The following PLPPR1 variants were observed in gnomAD, a reference collection of about 807,000 sequenced individuals.
PLPPR1 encodes the protein phospholipid phosphatase related 1.
In PLPPR1, 10 loss-of-function variants were observed where a neutral mutation model predicts 33.1. The ratio of observed to expected loss-of-function variants is 0.30; its 90% CI spans 0.19 to 0.51. PLPPR1 has a LOEUF of 0.51. PLPPR1 is among the 20% of genes least tolerant of loss of function. The probability of loss-of-function intolerance (pLI) is 0.97; values close to 1 mark genes in which losing one functional copy is unlikely to be tolerated. For synonymous variants in PLPPR1, 151 were observed against 151.0 expected (o/e 1.00, Z 0.00); for missense variants, 304 against 408.1 (o/e 0.74, Z 2.20).
At chr9:101,319,932 C>T (rs1043797175) in intron 7 of PLPPR1, among the ~76,000 whole-genome samples, 1 of 152,184 alleles carries the variant, frequency 6.6e-6, no homozygotes, top group Non-Finnish European at 1.5e-5. Flanking sequence ...CCTCATCCTT[C>T]CACCCAGCAC....
intron 1 of PLPPR1, among the ~76,000 whole-genome samples, chr9:101,100,697 CG>C (rs1830886639): frequency 1.4e-5 from 2 of 146,824 alleles, no homozygotes; most frequent in African/African-American, 5.0e-5. Context: ...CTCTTTGTTC[CG>C]TGTGTGTGTG....
chr9:101,084,971 G>T (rs35733350), intron 1 of PLPPR1, among the ~76,000 whole-genome samples: 1 of 151,986 alleles, frequency 6.6e-6, no homozygotes, highest in African/African-American at 2.4e-5. Context: ...GATGGGTTAG[G>T]CCTGGTCATT....
intron 1 of PLPPR1, among the ~76,000 whole-genome samples, chr9:101,089,271 A>C (rs1830714299): frequency 6.6e-6 from 1 of 151,178 alleles, no homozygotes; most frequent in African/African-American, 2.4e-5. Flanking sequence ...AATACATAGT[A>C]AGTAATAAAG....
intron 2 of PLPPR1, 22 bp from the exon 3 acceptor site, chr9:101,269,858 T>G: frequency 6.2e-7 from 1 of 1,613,076 alleles, no homozygotes; most frequent in Admixed American, 1.7e-5. Flanking sequence ...AATGTCTCTG[T>G]GTGGCCATGC....
chr9:101,113,352 A>G, intron 1 of PLPPR1, among the ~76,000 whole-genome samples: 1 of 152,256 alleles, frequency 6.6e-6, no homozygotes, highest in East Asian at 1.9e-4. Context: ...ATGCCTTTAT[A>G]CTATGTAAAT....
intron 1 of PLPPR1, among the ~76,000 whole-genome samples, chr9:101,112,050 C>T (rs1398882676): frequency 6.6e-6 from 1 of 152,126 alleles, no homozygotes; most frequent in East Asian, 1.9e-4. Context: ...TCCCTGTCCC[C>T]ATATACACAC....
intron 2 of PLPPR1, among the ~76,000 whole-genome samples, chr9:101,223,275 G>A (rs1826990633): frequency 6.6e-6 from 1 of 151,472 alleles, no homozygotes; most frequent in African/African-American, 2.4e-5. Context: ...GTTTGAGCTT[G>A]CAGTGAGCTA....
chr9:101,191,069 G>C (rs1228772427), intron 2 of PLPPR1, among the ~76,000 whole-genome samples: 8 of 152,082 alleles, frequency 5.3e-5, no homozygotes, highest in Non-Finnish European at 1.0e-4. Context: ...TTAAAAGCCA[G>C]GATATAAACT....
intron 2 of PLPPR1, among the ~76,000 whole-genome samples, chr9:101,246,832 T>C (rs1827619369): frequency 6.6e-6 from 1 of 152,064 alleles, no homozygotes; most frequent in Non-Finnish European, 1.5e-5. Flanking sequence ...TAACCAGCTA[T>C]TGTCTGTGGT....
intron 2 of PLPPR1, among the ~76,000 whole-genome samples, chr9:101,255,888 G>A (rs1448876474): frequency 1.3e-5 from 2 of 152,160 alleles, no homozygotes; most frequent in East Asian, 3.9e-4. Flanking sequence ...TGAACTTCAC[G>A]AGCTAGGAGA....
chr9:101,266,916 C>T (rs1828008897), intron 2 of PLPPR1, among the ~76,000 whole-genome samples: 1 of 152,178 alleles, frequency 6.6e-6, no homozygotes, highest in Admixed American at 6.5e-5. Flanking sequence ...ATACAATCCT[C>T]TTCCTACGAA....
At chr9:101,078,547 G>A (rs1191099477) in intron 1 of PLPPR1, among the ~76,000 whole-genome samples, 1 of 151,852 alleles carries the variant, frequency 6.6e-6, no homozygotes, top group Non-Finnish European at 1.5e-5. Context: ...AGTAAATCTG[G>A]CCAGGCATGG....
intron 1 of PLPPR1, among the ~76,000 whole-genome samples, chr9:101,091,893 A>G (rs1337811310): frequency 6.6e-6 from 1 of 152,220 alleles, no homozygotes; most frequent in Admixed American, 6.5e-5. Flanking sequence ...TGAATTGTGC[A>G]GATAATCTCC....
intron 3 of PLPPR1, among the ~76,000 whole-genome samples, chr9:101,282,895 G>C (rs746095076): frequency 5.9e-5 from 9 of 152,174 alleles, no homozygotes; most frequent in Non-Finnish European, 1.2e-4. Flanking sequence ...AGTTGCAAAA[G>C]AATGGGAAGA....
chr9:101,185,600 G>C (rs776868648), intron 2 of PLPPR1, 43 bp downstream of exon 2: 2 of 1,276,564 alleles, frequency 1.6e-6, no homozygotes, highest in Non-Finnish European at 2.2e-6. Context: ...TGAAATAAAA[G>C]TAACAGTTTT....
chr9:101,031,219 T>C (rs1829941288), intron 1 of PLPPR1, among the ~76,000 whole-genome samples: 2 of 152,204 alleles, frequency 1.3e-5, no homozygotes, highest in South Asian at 4.1e-4. Context: ...TCAAGAATAT[T>C]TTTTGCTTTC....
chr9:101,183,643 T>G (rs1254103997), intron 1 of PLPPR1, among the ~76,000 whole-genome samples: 2 of 151,572 alleles, frequency 1.3e-5, no homozygotes, highest in Non-Finnish European at 3.0e-5. Context: ...TTAAAATGAG[T>G]GAATTGGTAT....
At chr9:101,144,330 T>C (rs576546975) in intron 1 of PLPPR1, among the ~76,000 whole-genome samples, 153 of 152,184 alleles carry the variant, frequency 1.0e-3, no homozygotes, top group African/African-American at 3.6e-3. Flanking sequence ...AATTAATGGG[T>C]GCAGCACACC....
At chr9:101,070,035 C>A (rs1483508738) in intron 1 of PLPPR1, among the ~76,000 whole-genome samples, 2 of 152,102 alleles carry the variant, frequency 1.3e-5, no homozygotes, top group Non-Finnish European at 1.5e-5. Context: ...TTGATGTTAA[C>A]CTTGATCACC....
Sources: gnomAD v4.1 joint callset for allele counts (sites outside exome capture counted in the v4.1 genomes callset) on GRCh38, gnomAD v4.1.1 for gene constraint, MANE v1.5 for transcripts, NCBI Gene and HGNC (gene_info 2026-07-23, HGNC 2026-07-21) for gene names.